The following GABRB3 variants were observed in gnomAD, a reference collection of about 807,000 sequenced individuals.
GABRB3 encodes gamma-aminobutyric acid type A receptor subunit beta3.
In GABRB3, 14 loss-of-function variants were observed where a neutral mutation model predicts 52.1. That is an observed-to-expected ratio of 0.27 (90% CI 0.18 to 0.42). The LOEUF (loss-of-function observed/expected upper bound fraction) is 0.42. Among genes scored for constraint, GABRB3 ranks in the 10% least tolerant of loss-of-function variants. The pLI is 1.00. For missense variants in GABRB3, 307 were observed against 609.1 expected, an observed-to-expected ratio of 0.50 and a Z score of 5.22; for synonymous variants, 260 against 232.3, an observed-to-expected ratio of 1.12 and a Z score of -1.08.
chr15:26,752,398 G>A (rs1890537337), intron 3 of GABRB3, among the ~76,000 whole-genome samples: 1 of 151,696 alleles, frequency 6.6e-6, no homozygotes, highest in African/African-American at 2.4e-5. Context: ...CGAGTAGCTG[G>A]GACTACAGGT....
At chr15:26,698,649 G>A (rs1035751) in intron 3 of GABRB3, among the ~76,000 whole-genome samples, 11,413 of 152,204 alleles carry the variant, frequency 0.075, 546 homozygotes, top group Middle Eastern at 0.16. Context: ...AAGGGGCAAC[G>A]TTAAGAGAGG....
rs565026077 is a variant in GABRB3, at chr15:26,693,733, T to C, written c.241-72199A>G. On this transcript the variant is annotated intron_variant, in intron 3 of 8. Transcript: ENST00000311550. ...ATAGATACAGAGAATCATAGCTCACTAAGAGGGGAAACTGCCGCTGTAGCC... is the reference window on the plus strand; with the variant it reads ...ATAGATACAGAGAATCATAGCTCACCAAGAGGGGAAACTGCCGCTGTAGCC... 2.9e-4 allele frequency among the ~76,000 whole-genome samples: 44 copies of C among 152,224 alleles called. No individual in the cohort carries two copies. In the South Asian group the frequency reaches 8.9e-3, roughly 31 times the overall value.
At chr15:26,568,080 C>T (rs1402330681) in intron 6 of GABRB3, among the ~76,000 whole-genome samples, 8 of 152,190 alleles carry the variant, frequency 5.3e-5, no homozygotes, top group East Asian at 1.9e-4. Flanking sequence ...TTGTAGACAG[C>T]GGAGATGTGG....
chr15:26,622,705 G>A (rs1892532518), intron 3 of GABRB3, among the ~76,000 whole-genome samples: 1 of 152,192 alleles, frequency 6.6e-6, no homozygotes. Context: ...GCAATTCACG[G>A]TGTTGCTAAA....
In GABRB3 at chr15:26,554,043, A is replaced by ATATATATATATATATATATATATT. The variant is rs1487375439; in HGVS notation, c.1081-5910_1081-5909insAATATATATATATATATATATATA. ...TATTTATATATATATATATTTATTT[A>ATATATATATATATATATATATATT]TTTATATTTATTTATATATAAAGTG... On this transcript the variant is annotated intron_variant, in intron 8 of 8. Coordinates refer to ENST00000311550, the MANE Select transcript of GABRB3 (RefSeq NM_000814.6). Among the ~76,000 whole-genome samples, 66 of 108,124 alleles carry ATATATATATATATATATATATATT rather than the reference A, an allele frequency of 6.1e-4. 3 individuals are homozygous for ATATATATATATATATATATATATT. Among genetic ancestry groups the ATATATATATATATATATATATATT allele is most frequent in the African/African-American group, 2.4e-3 (64 of 26,880 alleles). The allele number at this position is 108,124 out of a possible 152,430, so 70.9% of individuals were successfully genotyped here.
intron 8 of GABRB3, among the ~76,000 whole-genome samples, chr15:26,554,041 T>TTATATATATATATATATATATA: frequency 3.2e-5 from 2 of 62,096 alleles, no homozygotes; most frequent in Admixed American, 2.3e-4. Flanking sequence ...ATATATTTAT[T>TTATATATATATATATATATATA]TATTTATATT....
chr15:26,765,773 A>G lies in GABRB3; in HGVS notation c.240+6629T>C, dbSNP rs1473986168. On this transcript the variant is annotated intron_variant, in intron 3 of 8. Transcript: ENST00000311550. ...TTAACACTATAATAAGTGTTGCAGG[A>G]AAGAATAAGTTTTCACAGAAATGCA... Among the ~76,000 whole-genome samples the G allele has an allele frequency of 3.9e-5, 6 of 152,196 alleles. No homozygotes were observed. The East Asian group carries it at 9.6e-4, about 24-fold the overall frequency.
At chr15:26,696,920 G>A (rs552413485) in intron 3 of GABRB3, among the ~76,000 whole-genome samples, 81 of 152,252 alleles carry the variant, frequency 5.3e-4, no homozygotes, top group African/African-American at 1.9e-3. Context: ...ATTGCACCCC[G>A]ACAATGGCCA....
At chr15:26,721,550 G>A (rs1889644236) in intron 3 of GABRB3, among the ~76,000 whole-genome samples, 1 of 151,768 alleles carries the variant, frequency 6.6e-6, no homozygotes, top group Admixed American at 6.6e-5. Context: ...TCATTTCTCT[G>A]GGTATCTCAC....
At chr15:26,660,312 A>C (rs6576591) in intron 3 of GABRB3, among the ~76,000 whole-genome samples, 148,425 of 152,222 alleles carry the variant, frequency 0.98, 72,384 homozygotes, top group East Asian at 1. Context: ...ATTAGGAGAA[A>C]TATGGCTATT....
chr15:26,600,844 T>C (rs1891559073), intron 4 of GABRB3, among the ~76,000 whole-genome samples: 1 of 152,196 alleles, frequency 6.6e-6, no homozygotes, highest in Non-Finnish European at 1.5e-5. Context: ...TCTAGGTTAG[T>C]AATGATGATG....
At chr15:26,714,597 G>A (rs923405021) in intron 3 of GABRB3, among the ~76,000 whole-genome samples, 86 of 152,292 alleles carry the variant, frequency 5.6e-4, no homozygotes, top group African/African-American at 2.0e-3. Context: ...GTTATTTTGA[G>A]TTTCTGACTA....
intron 3 of GABRB3, among the ~76,000 whole-genome samples, chr15:26,755,325 C>T (rs1403804514): frequency 2.0e-5 from 3 of 151,998 alleles, no homozygotes; most frequent in Admixed American, 2.0e-4. Flanking sequence ...ATTTTTTTCC[C>T]AACTTCTTAG....
intron 6 of GABRB3, among the ~76,000 whole-genome samples, chr15:26,577,292 C>T (rs1890626684): frequency 1.3e-5 from 2 of 152,132 alleles, no homozygotes; most frequent in Non-Finnish European, 2.9e-5. Context: ...GCAGGCAGAT[C>T]ACTTGAGGTC....
At chr15:26,573,516 A>G (rs1890484341) in intron 6 of GABRB3, among the ~76,000 whole-genome samples, 1 of 152,190 alleles carries the variant, frequency 6.6e-6, no homozygotes, top group African/African-American at 2.4e-5. Flanking sequence ...AAGAACAGGG[A>G]TGTTTGTTTC....
In GABRB3 at chr15:26,766,659, A is replaced by G. The variant is rs576129182; in HGVS notation, c.240+5743T>C. The stretch of plus-strand genomic sequence containing the variant: ...AGAATATTTTATCTTTGGAAAAACC[A>G]AATGTTGGAGTCAAAGACAGACACC... On this transcript the variant is annotated intron_variant, in intron 3 of 8. Transcript: ENST00000311550. Among the ~76,000 whole-genome samples, 7 of 151,742 alleles carry G rather than the reference A, an allele frequency of 4.6e-5. No homozygotes were observed. The South Asian group carries it at 1.4e-3, about 31-fold the overall frequency.
intron 3 of GABRB3, 100 bp downstream of exon 3, chr15:26,772,302 G>T: frequency 9.4e-7 from 1 of 1,063,962 alleles, no homozygotes; most frequent in Non-Finnish European, 1.4e-6. Flanking sequence ...GGGAAACTCG[G>T]CCCCGGCCGA....
At chr15:26,768,854 A>T (rs1244764901) in intron 3 of GABRB3, among the ~76,000 whole-genome samples, 1 of 152,220 alleles carries the variant, frequency 6.6e-6, no homozygotes, top group Non-Finnish European at 1.5e-5. Flanking sequence ...TTAGAAAAAA[A>T]TTGGAAATGC....
At chr15:26,595,811 A>G (rs143568743) in intron 4 of GABRB3, among the ~76,000 whole-genome samples, 146 of 152,310 alleles carry the variant, frequency 9.6e-4, no homozygotes, top group African/African-American at 3.5e-3. Context: ...CCTTAAGCAG[A>G]TTCACACAGC....
Sources: gnomAD v4.1 joint callset for allele counts (sites outside exome capture counted in the v4.1 genomes callset) on GRCh38, gnomAD v4.1.1 for gene constraint, MANE v1.5 for transcripts, NCBI Gene and HGNC (gene_info 2026-07-23, HGNC 2026-07-21) for gene names.